Variants in RASGRF2 observed in about 807,000 individuals in gnomAD.
RASGRF2 encodes ras-specific guanine nucleotide-releasing factor 2.
Under a neutral mutation model 151.0 loss-of-function variants are expected in RASGRF2, and 76 were observed. The observed-to-expected ratio is 0.50, with a 90% CI of 0.42 to 0.61. The LOEUF is 0.61. Among genes scored for constraint, RASGRF2 ranks in the 20% least tolerant of loss-of-function variants. RASGRF2 has a pLI of 0.00. For missense variants in RASGRF2, 1,148 were observed against 1,564.6 expected, an observed-to-expected ratio of 0.73 and a Z score of 4.49; for synonymous variants, 504 against 566.5, an observed-to-expected ratio of 0.89 and a Z score of 1.57.
At chr5:81,115,551 C>T (rs958627349) in intron 15 of RASGRF2, among the ~76,000 whole-genome samples, 8 of 152,130 alleles carry the variant, frequency 5.3e-5, no homozygotes, top group African/African-American at 1.7e-4. Flanking sequence ...TACTGCACTG[C>T]GGTAGATAGG....
intron 2 of RASGRF2, among the ~76,000 whole-genome samples, chr5:81,051,502 G>T (rs1002979886): frequency 2.6e-5 from 4 of 152,092 alleles, no homozygotes; most frequent in African/African-American, 9.7e-5. Flanking sequence ...ACTTCCCCTA[G>T]CTCTAGCCAA....
intron 2 of RASGRF2, among the ~76,000 whole-genome samples, chr5:81,052,699 G>A (rs1224209668): frequency 1.3e-5 from 2 of 152,146 alleles, no homozygotes; most frequent in Non-Finnish European, 2.9e-5. Flanking sequence ...GAAACAGTAT[G>A]TGACAGTAAT....
At chr5:80,997,862 G>T (rs1474772232) in intron 1 of RASGRF2, among the ~76,000 whole-genome samples, 1 of 151,784 alleles carries the variant, frequency 6.6e-6, no homozygotes, top group Non-Finnish European at 1.5e-5. Flanking sequence ...CCAGCTGCTC[G>T]GAAGGCTGAG....
intron 1 of RASGRF2, among the ~76,000 whole-genome samples, chr5:81,026,228 T>C (rs573613314): frequency 1.3e-4 from 19 of 151,856 alleles, no homozygotes; most frequent in African/African-American, 3.6e-4. Flanking sequence ...TTCCTTTTTT[T>C]CTATTCTTCC....
chr5:80,998,303 C>A (rs2112282430), intron 1 of RASGRF2, among the ~76,000 whole-genome samples: 1 of 152,260 alleles, frequency 6.6e-6, no homozygotes, highest in East Asian at 1.9e-4. Flanking sequence ...CCTTTTGATT[C>A]TCTACTTTCT....
chr5:81,213,723 A>G (rs946151878), intron 23 of RASGRF2, among the ~76,000 whole-genome samples: 1 of 152,114 alleles, frequency 6.6e-6, no homozygotes, highest in African/African-American at 2.4e-5. Flanking sequence ...CCTATCTTTT[A>G]TCTTACCTTT....
intron 12 of RASGRF2, among the ~76,000 whole-genome samples, chr5:81,100,715 T>C (rs889025912): frequency 1.3e-5 from 2 of 152,232 alleles, no homozygotes. Flanking sequence ...TCTGAGCTTC[T>C]TGGTTTGGAT....
chr5:81,144,293 T>C (rs1335422761), intron 17 of RASGRF2, among the ~76,000 whole-genome samples: 1 of 152,224 alleles, frequency 6.6e-6, no homozygotes, highest in Non-Finnish European at 1.5e-5. Context: ...AAACCAAACA[T>C]TAAAACTTCT....
chr5:81,157,316 A>G (rs1290913252), intron 17 of RASGRF2, among the ~76,000 whole-genome samples: 6 of 151,236 alleles, frequency 4.0e-5, no homozygotes, highest in Non-Finnish European at 7.4e-5. Context: ...AGATCGCGCC[A>G]CTGCACTCCA....
At chr5:81,171,167 C>T (rs911758851) in intron 17 of RASGRF2, among the ~76,000 whole-genome samples, 4 of 152,164 alleles carry the variant, frequency 2.6e-5, no homozygotes, top group Non-Finnish European at 4.4e-5. Flanking sequence ...TCCTTGCATA[C>T]GCAGGCGCAT....
chr5:81,159,304 T>C (rs1371785991), intron 17 of RASGRF2, among the ~76,000 whole-genome samples: 2 of 152,228 alleles, frequency 1.3e-5, no homozygotes, highest in Middle Eastern at 3.2e-3. Flanking sequence ...ATGGTCTCTG[T>C]TGCAACTTCC....
chr5:81,190,280 G>T (rs1023991218), intron 18 of RASGRF2, among the ~76,000 whole-genome samples: 44 of 152,168 alleles, frequency 2.9e-4, no homozygotes, highest in Non-Finnish European at 6.0e-4. Flanking sequence ...CTTTACGGCA[G>T]TGCTGGGTCC....
intron 3 of RASGRF2, 121 bp downstream of exon 3, chr5:81,068,300 A>G (rs774531016): frequency 2.4e-5 from 28 of 1,176,470 alleles, no homozygotes; most frequent in Non-Finnish European, 3.2e-5. Context: ...TGACATCAAC[A>G]CATACGTGGC....
intron 1 of RASGRF2, among the ~76,000 whole-genome samples, chr5:80,978,362 A>G (rs1052497804): frequency 9.2e-5 from 14 of 152,214 alleles, no homozygotes; most frequent in Admixed American, 7.9e-4. Flanking sequence ...TGGAAATCAC[A>G]GAGAACTATA....
chr5:81,036,689 T>C (rs1236291927), intron 1 of RASGRF2, among the ~76,000 whole-genome samples: 4 of 152,132 alleles, frequency 2.6e-5, no homozygotes, highest in Non-Finnish European at 5.9e-5. Flanking sequence ...TAATCCCTAG[T>C]GGCTTCCTTT....
At chr5:81,006,277 C>A (rs1315544344) in intron 1 of RASGRF2, among the ~76,000 whole-genome samples, 8 of 152,110 alleles carry the variant, frequency 5.3e-5, no homozygotes, top group African/African-American at 1.9e-4. Context: ...ATGCTCAATG[C>A]ACAGTTTTCT....
At chr5:81,069,461 G>A (rs2112455441) in intron 3 of RASGRF2, among the ~76,000 whole-genome samples, 2 of 152,368 alleles carry the variant, frequency 1.3e-5, no homozygotes. Flanking sequence ...GCAGATGCTT[G>A]TCTGCTCAGT....
At chr5:81,086,559 A>G (rs1752233577) in intron 8 of RASGRF2, among the ~76,000 whole-genome samples, 1 of 152,200 alleles carries the variant, frequency 6.6e-6, no homozygotes, top group East Asian at 1.9e-4. Flanking sequence ...ACTGGCCACA[A>G]AATGACATGT....
intron 1 of RASGRF2, among the ~76,000 whole-genome samples, chr5:80,975,655 CA>C (rs1290084799): frequency 2.4e-4 from 37 of 152,126 alleles, no homozygotes; most frequent in African/African-American, 8.7e-4. Flanking sequence ...AGTCATAAGA[CA>C]TTTTACAGCT....
Sources: gnomAD v4.1 joint callset for allele counts (sites outside exome capture counted in the v4.1 genomes callset) on GRCh38, gnomAD v4.1.1 for gene constraint, MANE v1.5 for transcripts, NCBI Gene and HGNC (gene_info 2026-07-23, HGNC 2026-07-21) for gene names.